CAMKMT: variants seen among roughly 807,000 people sequenced by gnomAD.
CAMKMT encodes CaM KMT.
In CAMKMT, 53 loss-of-function variants were observed where a neutral mutation model predicts 48.0. That is an observed-to-expected ratio of 1.10 (90% confidence interval 0.89 to 1.39). The LOEUF (loss-of-function observed/expected upper bound fraction) is 1.39. CAMKMT is among the 40% of genes most tolerant of loss of function. The pLI is 0.00. For synonymous variants in CAMKMT, 165 were observed against 152.3 expected (o/e 1.08, Z -0.61); for missense variants, 428 against 402.7 (o/e 1.06, Z -0.54).
chr2:44,542,868 C>G (rs1667206662), intron 3 of CAMKMT, among the ~76,000 whole-genome samples: 1 of 152,056 alleles, frequency 6.6e-6, no homozygotes, highest in Non-Finnish European at 1.5e-5. Flanking sequence ...AAACTGGAAA[C>G]CTAGACTAAT....
chr2:44,494,674 C>A lies in CAMKMT; in HGVS notation c.376+104369C>A, dbSNP rs139278023. Among the ~76,000 whole-genome samples the A allele has an allele frequency of 4.8e-3, 728 of 152,238 alleles. 8 individuals carry two copies. The highest frequency in any genetic ancestry group is 0.017 in the African/African-American group (692 of 41,530). On this transcript the variant is annotated intron_variant, in intron 3 of 10. Coordinates refer to ENST00000378494, the MANE Select transcript of CAMKMT (RefSeq NM_024766.5). Reference sequence around the variant, plus strand: ...AAATTGTACCAAGAGAACATGGATTCTTTTAAAGAACACAGGTTAGAGTTA... The same window carrying A: ...AAATTGTACCAAGAGAACATGGATTATTTTAAAGAACACAGGTTAGAGTTA...
chr2:44,567,957 T>G (rs1283053321), intron 3 of CAMKMT, among the ~76,000 whole-genome samples: 1 of 151,212 alleles, frequency 6.6e-6, no homozygotes, highest in Non-Finnish European at 1.5e-5. Flanking sequence ...TGTTCTTATT[T>G]ACAAGTAAGT....
At chr2:44,589,906 A>AAAAAAAAAAAAAAAAAAG (rs1670154809) in intron 3 of CAMKMT, among the ~76,000 whole-genome samples, 1 of 84,262 alleles carries the variant, frequency 1.2e-5, no homozygotes, top group Non-Finnish European at 2.6e-5. Flanking sequence ...GAAAAAAAAA[A>AAAAAAAAAAAAAAAAAAG]AAGAACGAAA....
At chr2:44,682,115 C>A (rs995919185) in intron 3 of CAMKMT, among the ~76,000 whole-genome samples, 3 of 152,170 alleles carry the variant, frequency 2.0e-5, no homozygotes, top group Non-Finnish European at 2.9e-5. Flanking sequence ...GAGGGCTTCC[C>A]TTTAATTCCC....
chr2:44,533,787 TA>T (rs1320330772), intron 3 of CAMKMT, among the ~76,000 whole-genome samples: 1 of 152,036 alleles, frequency 6.6e-6, no homozygotes, highest in African/African-American at 2.4e-5. Flanking sequence ...AGAAAAACAC[TA>T]AACCACAATG....
At chr2:44,403,114 G>A (rs972966226) in intron 3 of CAMKMT, among the ~76,000 whole-genome samples, 5 of 151,974 alleles carry the variant, frequency 3.3e-5, no homozygotes, top group African/African-American at 4.8e-5. Flanking sequence ...GATCTGGTTG[G>A]GTTGATTCTT....
chr2:44,738,779 G>C (rs1679504383), intron 7 of CAMKMT, among the ~76,000 whole-genome samples: 5 of 152,156 alleles, frequency 3.3e-5, no homozygotes. Context: ...AGATAAGGGG[G>C]TTTTAGAAGT....
intron 10 of CAMKMT, among the ~76,000 whole-genome samples, chr2:44,768,361 A>ATATATATATATATTT (rs35058824): frequency 7.8e-5 from 9 of 115,742 alleles, no homozygotes; most frequent in African/African-American, 3.0e-4. Flanking sequence ...ATATATATAT[A>ATATATATATATATTT]TTTTTTTTTT....
chr2:44,596,573 T>C (rs1670681025), intron 3 of CAMKMT, among the ~76,000 whole-genome samples: 1 of 152,210 alleles, frequency 6.6e-6, no homozygotes, highest in Non-Finnish European at 1.5e-5. Context: ...CATCTGATTC[T>C]GTAGTACACA....
At chr2:44,537,563 T>G (rs1666844230) in intron 3 of CAMKMT, among the ~76,000 whole-genome samples, 1 of 152,110 alleles carries the variant, frequency 6.6e-6, no homozygotes, top group African/African-American at 2.4e-5. Context: ...GAACTCTTTT[T>G]TTTTTCTTTC....
intron 3 of CAMKMT, among the ~76,000 whole-genome samples, chr2:44,693,001 G>C (rs1241481147): frequency 6.6e-6 from 1 of 152,078 alleles, no homozygotes; most frequent in African/African-American, 2.4e-5. Flanking sequence ...AGTCATACTT[G>C]ACACTTCCCT....
At chr2:44,673,523 AGGGAAGG>A (rs1573044678) in intron 3 of CAMKMT, among the ~76,000 whole-genome samples, 2 of 75,384 alleles carry the variant, frequency 2.7e-5, no homozygotes, top group African/African-American at 1.1e-4. Context: ...GGAAGGAAGG[AGGGAAGG>A]AAGAAATCTA....
chr2:44,685,670 G>A (rs1252693157), intron 3 of CAMKMT, among the ~76,000 whole-genome samples: 2 of 152,144 alleles, frequency 1.3e-5, no homozygotes, highest in Admixed American at 6.5e-5. Flanking sequence ...TAAATGGGGG[G>A]AAATAATGAC....
rs140111804 is a variant in CAMKMT at position 44,439,634 on chromosome 2, C to G, written c.376+49329C>G. Among the ~76,000 whole-genome samples the G allele has an allele frequency of 9.5e-4, 144 of 151,838 alleles. 1 individual carries two copies. Among genetic ancestry groups the G allele is most frequent in the African/African-American group, 3.4e-3 (141 of 41,410 alleles). ...CAGGTGGATCACGAGGTCAGGAGAT[C>G]GAGACCATCCTGGCTAACACGGTGA... On this transcript the variant is annotated intron_variant, in intron 3 of 10. Coordinates refer to ENST00000378494, the MANE Select transcript of CAMKMT (RefSeq NM_024766.5).
intron 3 of CAMKMT, among the ~76,000 whole-genome samples, chr2:44,478,990 C>T (rs566443162): frequency 2.0e-5 from 3 of 152,288 alleles, no homozygotes; most frequent in East Asian, 3.9e-4. Context: ...TGAGCCACCG[C>T]GCCCGGCAAT....
intron 7 of CAMKMT, among the ~76,000 whole-genome samples, chr2:44,741,158 C>T (rs1679655940): frequency 6.6e-6 from 1 of 152,214 alleles, no homozygotes; most frequent in East Asian, 1.9e-4. Context: ...TTTTTAATCT[C>T]ATTTTTGTGA....
At chr2:44,691,405 C>T (rs1676648383) in intron 3 of CAMKMT, among the ~76,000 whole-genome samples, 2 of 152,208 alleles carry the variant, frequency 1.3e-5, no homozygotes, top group Non-Finnish European at 2.9e-5. Context: ...TGGCTGGGAC[C>T]TTGTCCATCT....
At chr2:44,368,738 A>G (rs950037073) in intron 1 of CAMKMT, among the ~76,000 whole-genome samples, 10 of 152,236 alleles carry the variant, frequency 6.6e-5, no homozygotes, top group Admixed American at 1.3e-4. Flanking sequence ...GGCAAGATTG[A>G]AGATAATTTA....
intron 3 of CAMKMT, among the ~76,000 whole-genome samples, chr2:44,668,998 G>T (rs1394316436): frequency 6.6e-6 from 1 of 152,028 alleles, no homozygotes; most frequent in African/African-American, 2.4e-5. Flanking sequence ...GGCCAGGCTG[G>T]TCTTGAACTC....
Sources: allele counts gnomAD v4.1 joint callset (sites outside exome capture counted in the v4.1 genomes callset), GRCh38; gene constraint gnomAD v4.1.1; transcripts MANE v1.5; gene names NCBI Gene and HGNC (gene_info 2026-07-23, HGNC 2026-07-21).